Variants in CHD1 observed in about 807,000 individuals in gnomAD.
CHD1 encodes chromodomain helicase DNA binding protein 1, also known as ATP-dependent chromatin remodeler CHD1.
Under a neutral mutation model 224.2 loss-of-function variants are expected in CHD1, and 36 were observed. That is an observed-to-expected ratio of 0.16 (90% CI 0.12 to 0.21). CHD1 has a LOEUF of 0.21. Ranked by LOEUF, CHD1 falls within the 10% of genes least tolerant of loss-of-function variation. CHD1 has a pLI of 1.00. For synonymous variants in CHD1, 668 were observed against 658.3 expected, an observed-to-expected ratio of 1.01 and a Z score of -0.23; for missense variants, 1,378 against 1,994.8, an observed-to-expected ratio of 0.69 and a Z score of 5.89.
At chr5:98,889,294 T>A in intron 15 of CHD1, 56 bp from the exon 16 acceptor site, 1 of 1,306,798 alleles carries the variant, frequency 7.7e-7, no homozygotes, top group Non-Finnish European at 1.0e-6. Flanking sequence ...CAGGATAAAT[T>A]CTAAAAGCAT....
intron 17 of CHD1, among the ~76,000 whole-genome samples, 164 bp downstream of exon 17, chr5:98,887,924 A>G (rs957974848): frequency 3.3e-5 from 5 of 152,188 alleles, no homozygotes; most frequent in African/African-American, 1.2e-4. Flanking sequence ...AAGTCAAGAA[A>G]AACCGGGAAT....
intron 18 of CHD1, among the ~76,000 whole-genome samples, chr5:98,884,067 CTTTGT>C (rs1286685236): frequency 2.7e-5 from 4 of 145,852 alleles, no homozygotes; most frequent in African/African-American, 1.0e-4. Flanking sequence ...GTCTCTAACT[CTTTGT>C]TTTTTGTTTT....
intron 31 of CHD1, among the ~76,000 whole-genome samples, chr5:98,867,515 A>G (rs887956321): frequency 2.0e-5 from 3 of 152,222 alleles, no homozygotes; most frequent in East Asian, 1.9e-4. Flanking sequence ...AAAAACTGGG[A>G]AAAAAACTAG....
intron 34 of CHD1, chr5:98,858,599 C>T: frequency 1.9e-6 from 1 of 514,214 alleles, no homozygotes; most frequent in Non-Finnish European, 3.4e-6. Context: ...GTCACAAAAA[C>T]TAAAAAATAT....
intron 7 of CHD1, among the ~76,000 whole-genome samples, chr5:98,900,281 C>CAAAAAAAAAAAAAAAAAAAAA (rs77593613): frequency 1.1e-5 from 1 of 92,580 alleles, no homozygotes; most frequent in Non-Finnish European, 2.3e-5. Context: ...GATTCTGTCA[C>CAAAAAAAAAAAAAAAAAAAAA]AAAAAAAAAA....
At position 98,923,380 on chromosome 5, in the gene CHD1, T is replaced by C. The variant is rs190350132; in HGVS notation, c.53+2954A>G. On this transcript the variant is annotated intron_variant, in intron 2 of 35. Coordinates refer to ENST00000614616, the MANE Select transcript of CHD1 (RefSeq NM_001270.4). ...TGCAATTATTTAAGATGAGTATGCA[T>C]TGTAAAAGATTCCTTAAATTTGATT... Among the ~76,000 whole-genome samples the C allele has an allele frequency of 8.5e-5, 13 of 152,246 alleles. No homozygotes were observed. The East Asian group carries it at 2.5e-3, about 29-fold the overall frequency.
At position 98,856,580 on chromosome 5, in the gene CHD1, A is replaced by C; in HGVS notation, c.4933T>G (p.Ser1645Ala). 6.2e-7 allele frequency: 1 copy of C among 1,613,760 alleles called. No individual in the cohort carries two copies. The highest frequency in any genetic ancestry group is 8.5e-7 in the Non-Finnish European group (1 of 1,179,768). ...SDHRLHSDHR[S>A]SSEYTHHKSS... is the part of the protein sequence containing the mutation. ...TTATGGTGCGTATATTCAGAACTTG[A>C]CCGGTGGTCTGAATGTAACCGATGA... Residue 1645 changes from serine (S) to alanine (A), a missense_variant, in exon 36 of 36, where the codon TCA becomes GCA. Transcript: ENST00000614616.
At chr5:98,926,608 A>AGGCC in intron 1 of CHD1, 74 bp from the exon 2 acceptor site, 1 of 329,202 alleles carries the variant, frequency 3.0e-6, no homozygotes, top group Non-Finnish European at 5.4e-6. Flanking sequence ...TCTAAAACGT[A>AGGCC]TAAATCTACG....
intron 1 of CHD1, among the ~76,000 whole-genome samples, chr5:98,927,894 G>A (rs759258345): frequency 1.3e-5 from 2 of 152,124 alleles, no homozygotes; most frequent in Non-Finnish European, 2.9e-5. Flanking sequence ...CGCACACAGC[G>A]CTGTGTCCTC....
In CHD1 at chr5:98,872,487, C is replaced by T. The variant is rs191286652; in HGVS notation, c.3640G>A (p.Val1214Ile). ...ATTAATTCTTCTTCATGGGAGATGA[C>T]TAGTTTGGCATTCACCTGTACTCCT... is the stretch of plus-strand genomic sequence containing the variant. ...ISGVQVNAKL[V>I]ISHEEELIPL... The change falls in exon 27 of 36, where the codon GTC becomes ATC. Residue 1214 changes from valine (V) to isoleucine (I), a missense_variant. Coordinates refer to ENST00000614616, the MANE Select transcript of CHD1 (RefSeq NM_001270.4). 4 of 1,613,236 alleles carry T rather than the reference C, an allele frequency of 2.5e-6. No individual in the cohort carries two copies. Among genetic ancestry groups the T allele is most frequent in the African/African-American group, 1.3e-5 (1 of 74,958 alleles).
At chr5:98,926,943 C>CCTT (rs527417938) in intron 1 of CHD1, among the ~76,000 whole-genome samples, 309 of 147,408 alleles carry the variant, frequency 2.1e-3, no homozygotes, top group African/African-American at 6.9e-3. Flanking sequence ...GAGGAGGTTA[C>CCTT]CTTTAATCAA....
At chr5:98,869,061 T>G in intron 30 of CHD1, 1 of 898,964 alleles carries the variant, frequency 1.1e-6, no homozygotes, top group African/African-American at 1.8e-5. Flanking sequence ...TCTTTTACTT[T>G]GTTTTCTCTT....
At chr5:98,863,659 A>G (rs1386145259) in intron 31 of CHD1, 73 bp from the exon 32 acceptor site, 1 of 981,820 alleles carries the variant, frequency 1.0e-6, no homozygotes, top group African/African-American at 1.7e-5. Flanking sequence ...ACCTCCTTCA[A>G]TGATATTTAC....
intron 9 of CHD1, 105 bp downstream of exon 9, chr5:98,898,559 T>A: frequency 8.3e-7 from 1 of 1,198,338 alleles, no homozygotes; most frequent in Non-Finnish European, 1.2e-6. Flanking sequence ...ACTGTTTTAG[T>A]AAGAGCAAGC....
Position 98,912,220 on chromosome 5 carries a change from A to C in CHD1, c.54-7122T>G, listed in dbSNP as rs192545351. On this transcript the variant is annotated intron_variant, in intron 2 of 35. Transcript: ENST00000614616. The stretch of plus-strand genomic sequence containing the variant: ...AAATTTAAAAGCCACAGAAGTGAAC[A>C]TAACAGGCAAGTAAACATTCAATTT... Among the ~76,000 whole-genome samples, 834 of 152,336 alleles carry C rather than the reference A, an allele frequency of 5.5e-3. 6 individuals carry two copies. Among genetic ancestry groups the C allele is most frequent in the Middle Eastern group, 0.024 (7 of 294 alleles).
At chr5:98,892,463 G>A in intron 15 of CHD1, 62 bp downstream of exon 15, 3 of 1,263,292 alleles carry the variant, frequency 2.4e-6, no homozygotes, top group Non-Finnish European at 2.2e-6. Context: ...CCAAAAGCAG[G>A]ACACAGACAT....
intron 22 of CHD1, among the ~76,000 whole-genome samples, chr5:98,880,024 T>C (rs1415994762): frequency 6.6e-6 from 1 of 152,234 alleles, no homozygotes; most frequent in African/African-American, 2.4e-5. Flanking sequence ...ATTTATACTA[T>C]TAACATGCTA....
At chr5:98,864,885 A>T (rs958545551) in intron 31 of CHD1, among the ~76,000 whole-genome samples, 1 of 152,194 alleles carries the variant, frequency 6.6e-6, no homozygotes, top group Non-Finnish European at 1.5e-5. Context: ...GTTAGAAAAT[A>T]ATTTATCCAA....
chr5:98,879,419 G>C, intron 23 of CHD1, 133 bp downstream of exon 23: 1 of 642,604 alleles, frequency 1.6e-6, no homozygotes, highest in Non-Finnish European at 2.5e-6. Flanking sequence ...CTCATTTCAT[G>C]AGGCAAACAT....
Sources: gnomAD v4.1 joint callset for allele counts (sites outside exome capture counted in the v4.1 genomes callset) on GRCh38, gnomAD v4.1.1 for gene constraint, MANE v1.5 for transcripts, NCBI Gene and HGNC (gene_info 2026-07-23, HGNC 2026-07-21) for gene names.